Variants in CADM2 observed in about 807,000 individuals in gnomAD.
CADM2 encodes the protein immunoglobulin superfamily member 4D.
A neutral mutation model predicts 49.8 loss-of-function variants in CADM2; 12 were observed. That is an observed-to-expected ratio of 0.24 (90% CI 0.15 to 0.39). The LOEUF (loss-of-function observed/expected upper bound fraction) is 0.39, where lower values mean the gene tolerates loss of function less well. CADM2 is among the 10% of genes least tolerant of loss of function. The pLI is 1.00. For missense variants in CADM2, 378 were observed against 492.3 expected (o/e 0.77, Z 2.20); for synonymous variants, 214 against 175.4 (o/e 1.22, Z -1.74).
chr3:85,099,408 G>T (rs1441344376), intron 1 of CADM2, among the ~76,000 whole-genome samples: 2 of 151,978 alleles, frequency 1.3e-5, no homozygotes, highest in Non-Finnish European at 2.9e-5. Flanking sequence ...AAACATATGA[G>T]ACACTTACTT....
intron 1 of CADM2, among the ~76,000 whole-genome samples, chr3:85,352,962 G>A (rs945918724): frequency 6.6e-6 from 1 of 152,052 alleles, no homozygotes; most frequent in South Asian, 2.1e-4. Context: ...TCCTTAAGTA[G>A]AAGTTTTCAA....
chr3:85,322,301 G>C (rs1380780531), intron 1 of CADM2, among the ~76,000 whole-genome samples: 1 of 152,130 alleles, frequency 6.6e-6, no homozygotes, highest in East Asian at 1.9e-4. Context: ...TTTTCCTCAA[G>C]ATGTCATTTT....
At chr3:85,162,699 GA>G (rs921670134) in intron 1 of CADM2, among the ~76,000 whole-genome samples, 5 of 151,868 alleles carry the variant, frequency 3.3e-5, no homozygotes, top group Non-Finnish European at 5.9e-5. Context: ...TAATATTTTT[GA>G]AGCTTATATG....
At chr3:85,166,043 T>C (rs2107676070) in intron 1 of CADM2, among the ~76,000 whole-genome samples, 1 of 151,934 alleles carries the variant, frequency 6.6e-6, no homozygotes, top group African/African-American at 2.4e-5. Context: ...ACCCAACATG[T>C]AGTTCTTTAA....
intron 1 of CADM2, among the ~76,000 whole-genome samples, chr3:85,548,054 C>T (rs1477780243): frequency 5.3e-5 from 8 of 151,744 alleles, no homozygotes; most frequent in African/African-American, 9.7e-5. Flanking sequence ...AACTAGCCTC[C>T]GTCACTTACT....
intron 1 of CADM2, among the ~76,000 whole-genome samples, chr3:85,501,390 C>T (rs950860823): frequency 6.6e-6 from 1 of 152,114 alleles, no homozygotes; most frequent in Admixed American, 6.5e-5. Flanking sequence ...CCTATGCTTC[C>T]ATCCTTTGTT....
In CADM2 at chr3:85,172,546, G is replaced by A. The variant is rs72907197; in HGVS notation, c.61+212878G>A. Among the ~76,000 whole-genome samples, 974 of 152,120 alleles carry A rather than the reference G, an allele frequency of 6.4e-3. 14 individuals are homozygous for A. Among genetic ancestry groups the A allele is most frequent in the African/African-American group, 0.022 (906 of 41,498 alleles). ...CTAAATGCTTCCTCCTCTAGCTAGG[G>A]CAACAATGTGAGCAAAGGCTTAGAA... On this transcript the variant is annotated intron_variant, in intron 1 of 9. Coordinates refer to ENST00000383699, the MANE Select transcript of CADM2 (RefSeq NM_001167675.2).
chr3:85,342,129 T>C (rs1387767003), intron 1 of CADM2, among the ~76,000 whole-genome samples: 1 of 152,056 alleles, frequency 6.6e-6, no homozygotes, highest in Non-Finnish European at 1.5e-5. Context: ...AAAGGGCTAA[T>C]ATCTGGAATC....
At chr3:85,210,238 T>G (rs983247577) in intron 1 of CADM2, among the ~76,000 whole-genome samples, 3 of 152,192 alleles carry the variant, frequency 2.0e-5, no homozygotes, top group African/African-American at 7.2e-5. Context: ...AAATGATATG[T>G]TTTTTGAACT....
chr3:85,378,560 G>A (rs1359422017), intron 1 of CADM2, among the ~76,000 whole-genome samples: 1 of 152,014 alleles, frequency 6.6e-6, no homozygotes. Context: ...TGAATCTTCA[G>A]TACTTAGAAT....
chr3:85,037,515 C>T (rs554648541), intron 1 of CADM2, among the ~76,000 whole-genome samples: 1 of 152,304 alleles, frequency 6.6e-6, no homozygotes, highest in African/African-American at 2.4e-5. Flanking sequence ...GCAGGAGATG[C>T]AATGATCTTT....
chr3:85,468,694 C>T (rs1335319763), intron 1 of CADM2, among the ~76,000 whole-genome samples: 3 of 152,028 alleles, frequency 2.0e-5, no homozygotes, highest in Non-Finnish European at 4.4e-5. Flanking sequence ...TCACAGTTTC[C>T]AGGACCCCGT....
intron 1 of CADM2, among the ~76,000 whole-genome samples, chr3:85,490,068 A>G (rs1322303234): frequency 7.0e-5 from 1 of 14,282 alleles, no homozygotes; most frequent in Non-Finnish European, 1.2e-4. Context: ...CAGTGAGTCC[A>G]TTAATTAGAG....
At chr3:86,053,482 A>G (rs1039466307) in intron 8 of CADM2, among the ~76,000 whole-genome samples, 4 of 152,166 alleles carry the variant, frequency 2.6e-5, no homozygotes, top group African/African-American at 9.6e-5. Context: ...TTCGTGGAAT[A>G]GTTTCAGGAG....
intron 1 of CADM2, among the ~76,000 whole-genome samples, chr3:85,616,449 A>G (rs942968399): frequency 6.6e-6 from 1 of 152,140 alleles, no homozygotes; most frequent in Admixed American, 6.6e-5. Context: ...GTTAAATTGA[A>G]TGGTTATAAT....
At chr3:85,827,448 T>C (rs2073970579) in intron 3 of CADM2, among the ~76,000 whole-genome samples, 1 of 143,056 alleles carries the variant, frequency 7.0e-6, no homozygotes, top group African/African-American at 2.6e-5. Context: ...ATAGAGACAG[T>C]ATGTTTTCTT....
chr3:85,007,110 A>G (rs2033770166), intron 1 of CADM2, among the ~76,000 whole-genome samples: 1 of 152,146 alleles, frequency 6.6e-6, no homozygotes, highest in Admixed American at 6.6e-5. Context: ...TTTGGAGGTA[A>G]AAAGGACATA....
chr3:85,177,085 A>G (rs953649863), intron 1 of CADM2, among the ~76,000 whole-genome samples: 34 of 152,248 alleles, frequency 2.2e-4, no homozygotes, highest in Admixed American at 5.9e-4. Context: ...AAATACTAGG[A>G]GAGAGAAACA....
chr3:85,523,800 G>T (rs937445028), intron 1 of CADM2, among the ~76,000 whole-genome samples: 67 of 152,042 alleles, frequency 4.4e-4, no homozygotes, highest in Non-Finnish European at 6.8e-4. Context: ...GGTCTATAAT[G>T]AAAAAGGTAT....
Sources: gnomAD v4.1 joint callset for allele counts (sites outside exome capture counted in the v4.1 genomes callset) on GRCh38, gnomAD v4.1.1 for gene constraint, MANE v1.5 for transcripts, NCBI Gene and HGNC (gene_info 2026-07-23, HGNC 2026-07-21) for gene names.